The following COL24A1 variants were observed in gnomAD, a reference collection of about 807,000 sequenced individuals.
COL24A1 encodes the protein collagen type XXIV alpha 1 chain.
Under a neutral mutation model 253.9 loss-of-function variants are expected in COL24A1, and 224 were observed. That is an observed-to-expected ratio of 0.88 (90% confidence interval 0.79 to 0.99). COL24A1 has a LOEUF of 0.99. Ranked by LOEUF, COL24A1 falls within the 50% of genes least tolerant of loss-of-function variation. The pLI, the probability that COL24A1 is intolerant of heterozygous loss-of-function variation, is 0.00. For missense variants in COL24A1, 2,131 were observed against 2,068.5 expected, an observed-to-expected ratio of 1.03 and a Z score of -0.59; for synonymous variants, 685 against 673.7, an observed-to-expected ratio of 1.02 and a Z score of -0.26.
chr1:85,806,819 T>C (rs1672019388), intron 47 of COL24A1, among the ~76,000 whole-genome samples: 1 of 152,190 alleles, frequency 6.6e-6, no homozygotes, highest in Admixed American at 6.5e-5. Flanking sequence ...AGCAGGCTCC[T>C]TTACTCTAGC....
intron 47 of COL24A1, among the ~76,000 whole-genome samples, chr1:85,797,498 T>C (rs956999721): frequency 1.6e-4 from 25 of 152,116 alleles, no homozygotes; most frequent in African/African-American, 5.8e-4. Flanking sequence ...GGAAATAAAG[T>C]ACACAAAGGC....
At position 85,805,620 on chromosome 1, in the gene COL24A1, C is replaced by T. The variant is rs72728341; in HGVS notation, c.3951+11168G>A. ...GTAGAAATTACTTAATTTCTCAGTG[C>T]CTCAATTTCTGCATCTACAAAATAA... is the stretch of plus-strand genomic sequence containing the variant. On this transcript the variant is annotated intron_variant, in intron 47 of 59. Transcript: ENST00000370571. Among the ~76,000 whole-genome samples, 253 of 152,194 alleles carry T rather than the reference C, an allele frequency of 1.7e-3. 2 individuals carry two copies. The highest frequency in any genetic ancestry group is 2.5e-3 in the Non-Finnish European group (167 of 68,008).
chr1:85,828,469 G>A (rs1022734243), intron 43 of COL24A1, among the ~76,000 whole-genome samples: 46 of 151,180 alleles, frequency 3.0e-4, no homozygotes, highest in Non-Finnish European at 5.5e-4. Context: ...TTGAATTCCT[G>A]GGTATCCTTG....
chr1:85,850,284 T>C (rs1484646989), intron 37 of COL24A1, among the ~76,000 whole-genome samples: 1 of 152,094 alleles, frequency 6.6e-6, no homozygotes, highest in South Asian at 2.1e-4. Flanking sequence ...GAAATGAAAA[T>C]AGAAATCTCA....
At chr1:85,815,368 CT>C (rs1488637326) in intron 47 of COL24A1, among the ~76,000 whole-genome samples, 1 of 152,154 alleles carries the variant, frequency 6.6e-6, no homozygotes, top group Non-Finnish European at 1.5e-5. Flanking sequence ...AAATGAGTCT[CT>C]TTTAACCAGA....
rs571947832 is a variant in COL24A1 at position 85,926,669 on chromosome 1, G to A, written c.2563-15236C>T. ...ACATCACACACGGGGGCCTGTCATG[G>A]GGTGAGGGGCAGGGGGAGGGATAGA... On this transcript the variant is annotated intron_variant, in intron 24 of 59. Coordinates refer to ENST00000370571, the MANE Select transcript of COL24A1 (RefSeq NM_152890.7). Among the ~76,000 whole-genome samples, 142 of 152,050 alleles carry A rather than the reference G, an allele frequency of 9.3e-4. 1 individual carries two copies. The highest frequency in any genetic ancestry group is 3.0e-3 in the Admixed American group (46 of 15,266).
intron 53 of COL24A1, among the ~76,000 whole-genome samples, chr1:85,775,470 G>A (rs10158103): frequency 0.029 from 4,376 of 152,168 alleles, 207 homozygotes; most frequent in African/African-American, 0.1. Flanking sequence ...TGACAGTGGG[G>A]TGTTAAAGTC....
In COL24A1 at chr1:86,022,289, G is replaced by T; in HGVS notation, c.2207C>A (p.Ala736Asp). Residue 736 changes from alanine (A) to aspartate (D), a missense_variant, in exon 18 of 60, where the codon GCT becomes GAT. Transcript: ENST00000370571. ...CCCTGGTGGTCCTGGTAAACCAACAGCACCCTAAGAGAAGAGAATAACAGA... is the reference window on the plus strand; with the variant it reads ...CCCTGGTGGTCCTGGTAAACCAACATCACCCTAAGAGAAGAGAATAACAGA... Reference protein sequence around the residue: ...GEPGYPGDKGAVGLPGPPGMR... With the variant: ...GEPGYPGDKGDVGLPGPPGMR... The T allele has an allele frequency of 6.3e-7, 1 of 1,587,820 alleles. No individual in the cohort carries two copies. Among genetic ancestry groups the T allele is most frequent in the Non-Finnish European group, 8.5e-7 (1 of 1,172,484 alleles).
chr1:85,971,522 T>C, intron 20 of COL24A1, 129 bp from the exon 21 acceptor site: 1 of 735,196 alleles, frequency 1.4e-6, no homozygotes, highest in Non-Finnish European at 2.2e-6. Flanking sequence ...GTCCTCAAAA[T>C]GGGTTGCAGT....
chr1:86,061,038 T>A (rs1701051490), intron 8 of COL24A1, among the ~76,000 whole-genome samples: 1 of 151,864 alleles, frequency 6.6e-6, no homozygotes. Flanking sequence ...ATATGAGAGA[T>A]GAGAAAAAAT....
At chr1:86,149,920 C>G (rs1361030537) in intron 1 of COL24A1, among the ~76,000 whole-genome samples, 3 of 152,224 alleles carry the variant, frequency 2.0e-5, no homozygotes, top group African/African-American at 4.8e-5. Context: ...TTCTCTTTCT[C>G]TTTGTCTAGT....
At chr1:85,925,121 T>A (rs887054536) in intron 24 of COL24A1, among the ~76,000 whole-genome samples, 1 of 152,146 alleles carries the variant, frequency 6.6e-6, no homozygotes, top group African/African-American at 2.4e-5. Context: ...ACAAGGGATG[T>A]GAAGGACCTC....
At chr1:85,895,162 C>G (rs927943031) in intron 31 of COL24A1, among the ~76,000 whole-genome samples, 3 of 152,020 alleles carry the variant, frequency 2.0e-5, no homozygotes, top group Admixed American at 6.5e-5. Flanking sequence ...GTGGGTAAAT[C>G]TTTAACATTT....
At chr1:86,031,661 CATT>C (rs1231762234) in intron 14 of COL24A1, among the ~76,000 whole-genome samples, 2 of 152,006 alleles carry the variant, frequency 1.3e-5, no homozygotes, top group African/African-American at 4.8e-5. Flanking sequence ...AAAAATATAT[CATT>C]ATTTTTTCTT....
chr1:86,143,998 C>T (rs544136697), intron 2 of COL24A1, among the ~76,000 whole-genome samples: 1 of 152,144 alleles, frequency 6.6e-6, no homozygotes, highest in South Asian at 2.1e-4. Context: ...TTGCATCGTG[C>T]CAATTTAATC....
chr1:86,130,196 T>A (rs957648809), intron 2 of COL24A1, among the ~76,000 whole-genome samples: 1 of 151,950 alleles, frequency 6.6e-6, no homozygotes, highest in Admixed American at 6.6e-5. Flanking sequence ...GACTTTCTTT[T>A]TGTTTACATT....
intron 18 of COL24A1, among the ~76,000 whole-genome samples, chr1:86,019,832 C>G (rs571783514): frequency 6.6e-6 from 1 of 151,854 alleles, no homozygotes; most frequent in Non-Finnish European, 1.5e-5. Flanking sequence ...TCTCTTGCTC[C>G]CTGCCCTAAA....
intron 37 of COL24A1, among the ~76,000 whole-genome samples, chr1:85,851,285 T>C (rs1677741300): frequency 6.6e-6 from 1 of 152,150 alleles, no homozygotes; most frequent in South Asian, 2.1e-4. Flanking sequence ...GTGTCTTTAA[T>C]TCATTTACTT....
chr1:85,833,790 A>G (rs1675656057), intron 43 of COL24A1, among the ~76,000 whole-genome samples: 3 of 152,162 alleles, frequency 2.0e-5, no homozygotes, highest in Admixed American at 6.5e-5. Flanking sequence ...GCAGCCATAA[A>G]AAAGGATGAG....
Sources: gnomAD v4.1 joint callset for allele counts (sites outside exome capture counted in the v4.1 genomes callset) on GRCh38, gnomAD v4.1.1 for gene constraint, MANE v1.5 for transcripts, NCBI Gene and HGNC (gene_info 2026-07-23, HGNC 2026-07-21) for gene names.